Variants in PRDM1 observed in about 807,000 individuals in gnomAD.
PRDM1 encodes the protein PR/SET domain 1, also known as PR domain zinc finger protein 1.
Under a neutral mutation model 62.8 loss-of-function variants are expected in PRDM1, and 13 were observed. The observed-to-expected ratio is 0.21, with a 90% CI of 0.13 to 0.33. The LOEUF is 0.33. PRDM1 is among the 10% of genes least tolerant of loss of function. PRDM1 has a pLI of 1.00. For missense variants in PRDM1, 895 were observed against 1,058.8 expected (o/e 0.85, Z 2.15); for synonymous variants, 396 against 417.6 (o/e 0.95, Z 0.63).
chr6:106,103,726 T>A (rs773812442), intron 4 of PRDM1, among the ~76,000 whole-genome samples: 5 of 152,178 alleles, frequency 3.3e-5, no homozygotes, highest in Non-Finnish European at 7.4e-5. Flanking sequence ...TGTTCCTAAA[T>A]AGTATCTTTA....
At chr6:106,075,440 C>A (rs1043447341) in intron 1 of PRDM1, among the ~76,000 whole-genome samples, 1 of 152,144 alleles carries the variant, frequency 6.6e-6, no homozygotes, top group Non-Finnish European at 1.5e-5. Flanking sequence ...AGAATAAGAA[C>A]ATTAATATGC....
rs1439799884 is a variant in PRDM1, at chr6:106,105,369, C to T, written c.1209C>T (p.Ile403=). 1 of 1,613,918 alleles carries T rather than the reference C, an allele frequency of 6.2e-7. No individual in the cohort carries two copies. ...TGCCCCACCTCCCGCCAGCTTTCAT[C>T]CCCTCGTACAACGCTCACTACCCCA... is the stretch of plus-strand genomic sequence containing the variant. ...APLPHLPPAF[I]PSYNAHYPKF... is the part of the protein sequence containing the mutation. The change falls in exon 5 of 7, where the codon ATC becomes ATT. Residue 403 remains isoleucine (I), a synonymous_variant. Coordinates refer to ENST00000369096, the MANE Select transcript of PRDM1 (RefSeq NM_001198.4).
intron 1 of PRDM1, among the ~76,000 whole-genome samples, chr6:106,008,967 C>G (rs1348107033): frequency 6.6e-6 from 1 of 152,188 alleles, no homozygotes; most frequent in African/African-American, 2.4e-5. Context: ...GCAGCGGTGG[C>G]CAGGTCCATG....
rs545777329 is a variant in PRDM1, at chr6:106,017,272, T to C, written c.-67+23633T>C. Among the ~76,000 whole-genome samples the C allele has an allele frequency of 2.6e-4, 39 of 152,384 alleles. No homozygotes were observed. In the South Asian group the frequency reaches 7.4e-3, roughly 29 times the overall value. Reference sequence around the variant, plus strand: ...GACAACTTGTATTTGTTCAGCTCTGTCAGCTTTGAAGAAGTGATCTTGTTT... The same window carrying C: ...GACAACTTGTATTTGTTCAGCTCTGCCAGCTTTGAAGAAGTGATCTTGTTT... On this transcript the variant is annotated intron_variant, in intron 1 of 6. Transcript: ENST00000652320.
chr6:106,021,524 C>A (rs1186868546), intron 1 of PRDM1, among the ~76,000 whole-genome samples: 2 of 152,206 alleles, frequency 1.3e-5, no homozygotes, highest in African/African-American at 4.8e-5. Context: ...AAGAAGCTTT[C>A]TTGAGTACTG....
chr6:106,011,251 G>A (rs1772544519), intron 1 of PRDM1, among the ~76,000 whole-genome samples: 1 of 152,192 alleles, frequency 6.6e-6, no homozygotes, highest in Non-Finnish European at 1.5e-5. Flanking sequence ...CCAGAGCTAA[G>A]AAGACTCTCT....
At chr6:106,059,491 G>C (rs1433838920) in intron 1 of PRDM1, among the ~76,000 whole-genome samples, 1 of 152,206 alleles carries the variant, frequency 6.6e-6, no homozygotes, top group African/African-American at 2.4e-5. Context: ...TGAGACCCAA[G>C]AGATAGGTAG....
intron 1 of PRDM1, among the ~76,000 whole-genome samples, chr6:106,006,126 T>G (rs1772478983): frequency 6.6e-6 from 1 of 152,226 alleles, no homozygotes; most frequent in Admixed American, 6.5e-5. Context: ...GCATGGAAAG[T>G]GCTGTATTCT....
intron 1 of PRDM1, among the ~76,000 whole-genome samples, chr6:106,016,649 C>CTTTTT (rs71006665): frequency 7.4e-6 from 1 of 135,830 alleles, no homozygotes; most frequent in South Asian, 2.3e-4. Context: ...TCTTTTCTCT[C>CTTTTT]TTTTTTTTTT....
chr6:106,032,060 C>T (rs114477136), intron 1 of PRDM1, among the ~76,000 whole-genome samples: 141 of 152,236 alleles, frequency 9.3e-4, no homozygotes, highest in African/African-American at 3.2e-3. Flanking sequence ...CAGGTAGAGT[C>T]TCACAAAACC....
chr6:105,994,021 G>A lies in PRDM1; in HGVS notation c.-67+382G>A, dbSNP rs1772316545. On this transcript the variant is annotated intron_variant, in intron 1 of 6. Transcript: ENST00000652320. The surrounding 1 kb of genome is among the most constrained non-coding windows in gnomAD (Gnocchi z 4.1). ...CCTAATTTATGAAACGTGAACGGGG[G>A]TAAGGTATTTATTTGTACGCTAGTT... is the stretch of plus-strand genomic sequence containing the variant. 6.6e-6 allele frequency among the ~76,000 whole-genome samples: 1 copy of A among 152,256 alleles called. No homozygotes were observed. Among genetic ancestry groups the A allele is most frequent in the Admixed American group, 6.5e-5 (1 of 15,292 alleles).
Position 106,106,891 on chromosome 6 carries a change from C to G in PRDM1, c.1903-20C>G. ...CCTTCCTGTCTCCCTTCCCTGCTGT[C>G]TCTCTCCCCTACACTGTAGGTCTGC... On this transcript the variant is annotated intron_variant, in intron 6 of 6. Transcript: ENST00000369096. The surrounding 1 kb of genome is among the most constrained non-coding windows in gnomAD (Gnocchi z 4.4). 6.3e-7 allele frequency: 1 copy of G among 1,591,408 alleles called. No homozygotes were observed. The highest frequency in any genetic ancestry group is 1.1e-5 in the South Asian group (1 of 89,340).
At chr6:106,094,845 A>G (rs950399735) in intron 2 of PRDM1, among the ~76,000 whole-genome samples, 1 of 152,004 alleles carries the variant, frequency 6.6e-6, no homozygotes, top group Non-Finnish European at 1.5e-5. Context: ...CAAGGCTGCA[A>G]TGAGCTAAGA....
At chr6:106,095,540 C>A in intron 2 of PRDM1, 75 bp from the exon 3 acceptor site, 1 of 1,531,802 alleles carries the variant, frequency 6.5e-7, no homozygotes. Flanking sequence ...CTTGACAGTC[C>A]AATTTATTTA....
chr6:106,054,556 C>A (rs1582441443), intron 1 of PRDM1, among the ~76,000 whole-genome samples: 1 of 152,148 alleles, frequency 6.6e-6, no homozygotes, highest in African/African-American at 2.4e-5. Context: ...AAAACAATAA[C>A]TTCCATGTGT....
At chr6:106,084,344 C>T (rs1013366116), upstream of PRDM1, among the ~76,000 whole-genome samples, 3 of 152,196 alleles carry the variant, frequency 2.0e-5, no homozygotes, top group Admixed American at 6.5e-5. Context: ...TTGCGTCCTC[C>T]CTAGACTCAA....
At chr6:106,095,799 G>A in intron 3 of PRDM1, 65 bp downstream of exon 3, 1 of 1,565,450 alleles carries the variant, frequency 6.4e-7, no homozygotes, top group Non-Finnish European at 8.7e-7. Flanking sequence ...AAAGAGCTGG[G>A]TGGCTCACCT....
chr6:106,080,539 G>T (rs565301912), intron 1 of PRDM1, among the ~76,000 whole-genome samples: 14 of 152,196 alleles, frequency 9.2e-5, no homozygotes, highest in Non-Finnish European at 1.2e-4. Context: ...AAGTAGGTCA[G>T]GTACTTTGGA....
rs746196607 is a variant in PRDM1, at chr6:106,105,018, T to C, written c.858T>C (p.Arg286=). ...SEKDLDDFRR[R]GSPEMPFYPR... is the part of the protein sequence containing the mutation. Reference sequence around the variant, plus strand: ...AGGACCTCGATGACTTTAGAAGACGTGGGAGCCCCGAAATGCCCTTCTACC... The same window carrying C: ...AGGACCTCGATGACTTTAGAAGACGCGGGAGCCCCGAAATGCCCTTCTACC... The change falls in exon 5 of 7, where the codon CGT becomes CGC. Residue 286 remains arginine, a synonymous_variant. Transcript: ENST00000369096. The C allele has an allele frequency of 7.4e-6, 12 of 1,613,996 alleles. No individual in the cohort carries two copies. Among genetic ancestry groups the C allele is most frequent in the Non-Finnish European group, 1.0e-5 (12 of 1,180,024 alleles).
Sources: allele counts gnomAD v4.1 joint callset (sites outside exome capture counted in the v4.1 genomes callset), GRCh38; gene constraint gnomAD v4.1.1; non-coding constraint Gnocchi (gnomAD v3.1); transcripts MANE v1.5; gene names NCBI Gene and HGNC (gene_info 2026-07-23, HGNC 2026-07-21).